Variants in C6 observed in about 807,000 individuals in gnomAD.
C6 encodes the protein complement C6, also known as complement component C6.
In C6, 101 loss-of-function variants were observed where a neutral mutation model predicts 112.9. The ratio of observed to expected loss-of-function variants is 0.89; its 90% confidence interval spans 0.76 to 1.06. The LOEUF (loss-of-function observed/expected upper bound fraction) is 1.06. C6 is among the 50% of genes least tolerant of loss of function. The pLI is 0.00. For missense variants in C6, 1,202 were observed against 1,104.6 expected, an observed-to-expected ratio of 1.09 and a Z score of -1.25; for synonymous variants, 431 against 384.1, an observed-to-expected ratio of 1.12 and a Z score of -1.43.
chr5:41,154,053 T>C, intron 14 of C6, 55 bp from the exon 15 acceptor site: 1 of 1,522,960 alleles, frequency 6.6e-7, no homozygotes, highest in African/African-American at 1.4e-5. Context: ...AACAAAAAAT[T>C]TAGGCAAATT....
chr5:41,152,399 T>C (rs1561095464), intron 15 of C6, among the ~76,000 whole-genome samples: 1 of 152,042 alleles, frequency 6.6e-6, no homozygotes, highest in African/African-American at 2.4e-5. Flanking sequence ...CCTCAGTCTA[T>C]TGAATGAAAC....
At chr5:41,152,348 T>C (rs1746490078) in intron 15 of C6, among the ~76,000 whole-genome samples, 1 of 152,150 alleles carries the variant, frequency 6.6e-6, no homozygotes, top group Non-Finnish European at 1.5e-5. Flanking sequence ...TCTTTGCTCA[T>C]GTTGAGGCCC....
intron 8 of C6, 82 bp from the exon 9 acceptor site, chr5:41,172,429 G>T: frequency 1.5e-6 from 2 of 1,340,254 alleles, no homozygotes; most frequent in Non-Finnish European, 2.1e-6. Context: ...TGGTCACTTC[G>T]GATCTACAGA....
At chr5:41,169,717 T>C (rs1748272051) in intron 9 of C6, among the ~76,000 whole-genome samples, 1 of 152,018 alleles carries the variant, frequency 6.6e-6, no homozygotes, top group Non-Finnish European at 1.5e-5. Flanking sequence ...AAGTGCTGCA[T>C]ACTTTTAAAC....
At chr5:41,253,768 A>AGTGTTTTTTAAAAATATG (rs1283658938) in intron 1 of C6, among the ~76,000 whole-genome samples, 1 of 152,244 alleles carries the variant, frequency 6.6e-6, no homozygotes. Context: ...CAATAAAGAA[A>AGTGTTTTTTAAAAATATG]GTGTTTTTTA....
rs1192239932 is a variant in C6, at chr5:41,213,373, C to T, written c.-21+3G>A. ...TTGAAAATGAAATCATCATATTACT[C>T]ACCTTTAAGCAGAGTTTGTGGTGTC... is the stretch of plus-strand genomic sequence containing the variant. On this transcript the variant is annotated splice_donor_region_variant and intron_variant, in intron 1 of 17. Coordinates refer to ENST00000337836, the MANE Select transcript of C6 (RefSeq NM_000065.5). 6.1e-6 allele frequency: 6 copies of T among 978,086 alleles called. No homozygotes were observed. Among genetic ancestry groups the T allele is most frequent in the Admixed American group, 6.2e-5 (1 of 16,236 alleles). The allele number at this position is 978,086 out of a possible 1,614,324, so 60.6% of individuals were successfully genotyped here.
chr5:41,199,631 A>G (rs1580172935), intron 4 of C6, 137 bp downstream of exon 4: 3 of 898,442 alleles, frequency 3.3e-6, no homozygotes, highest in East Asian at 2.4e-5. Flanking sequence ...AATTGGCAGC[A>G]TAACATTCCC....
At chr5:41,235,616 G>C (rs200974516) in intron 1 of C6, among the ~76,000 whole-genome samples, 13,460 of 134,846 alleles carry the variant, frequency 0.1, 751 homozygotes, top group Admixed American at 0.19. Context: ...TGGGTCAAAT[G>C]GTATTTCTAG....
intron 5 of C6, among the ~76,000 whole-genome samples, 194 bp downstream of exon 5, chr5:41,195,598 C>T (rs4245977): frequency 0.11 from 16,450 of 152,158 alleles, 875 homozygotes; most frequent in African/African-American, 0.14. Context: ...TTTGGAAATG[C>T]TAACTTTTAC....
intron 9 of C6, among the ~76,000 whole-genome samples, chr5:41,168,029 A>T (rs1331145726): frequency 2.0e-5 from 3 of 152,194 alleles, no homozygotes; most frequent in African/African-American, 7.2e-5. Flanking sequence ...AACAAGAGCC[A>T]ACACTGTAGA....
At chr5:41,167,420 G>T (rs765038088) in intron 9 of C6, among the ~76,000 whole-genome samples, 5 of 152,090 alleles carry the variant, frequency 3.3e-5, no homozygotes, top group Non-Finnish European at 7.4e-5. Context: ...GAAAGATTTT[G>T]AGCAGCTGGG....
At chr5:41,230,390 T>A (rs1739820122) in intron 1 of C6, among the ~76,000 whole-genome samples, 1 of 152,102 alleles carries the variant, frequency 6.6e-6, no homozygotes, top group African/African-American at 2.4e-5. Context: ...AAGGATTGCA[T>A]TCCTGGGGGG....
chr5:41,228,750 T>C (rs1432444705), intron 1 of C6, among the ~76,000 whole-genome samples: 1 of 152,208 alleles, frequency 6.6e-6, no homozygotes, highest in African/African-American at 2.4e-5. Flanking sequence ...AATGTACATT[T>C]ATTGTACATT....
Position 41,213,426 on chromosome 5 carries a change from GA to G in C6, c.-72del, listed in dbSNP as rs1240655418. The G allele has an allele frequency of 3.0e-6, 3 of 985,104 alleles. No individual in the cohort carries two copies. The highest frequency in any genetic ancestry group is 4.7e-5 in the South Asian group (1 of 21,278). The allele number at this position is 985,104 out of a possible 1,614,324, so 61.0% of individuals were successfully genotyped here. A position where few individuals can be genotyped will look rare whatever the true frequency, so the allele number is the denominator to read the frequency against. ...CGGACCTAAGCTGCAAATTATTGGG[GA>G]AAAAATAGGTATGCAGAATGAAGAG... On this transcript the variant is annotated 5_prime_UTR_variant, in exon 1 of 18. Transcript: ENST00000337836.
chr5:41,252,227 C>T (rs758541104), intron 1 of C6, among the ~76,000 whole-genome samples: 169 of 152,150 alleles, frequency 1.1e-3, no homozygotes, highest in Non-Finnish European at 2.0e-3. Context: ...ATATGTTAAC[C>T]TCATTTGGCT....
At chr5:41,165,856 A>G (rs1243758624) in intron 9 of C6, among the ~76,000 whole-genome samples, 2 of 152,170 alleles carry the variant, frequency 1.3e-5, no homozygotes, top group African/African-American at 2.4e-5. Context: ...ACACTTGAAT[A>G]TAATCTAGCC....
In C6 at chr5:41,225,799, A is replaced by G. The variant is rs565911534; in HGVS notation, c.-20-22549T>C. Among the ~76,000 whole-genome samples the G allele has an allele frequency of 5.5e-4, 83 of 152,292 alleles. No individual in the cohort carries two copies. The South Asian group carries it at 6.0e-3, about 11-fold the overall frequency. ...ACAGAGCCCTCAGAAATAATGCCAC[A>G]TATCTACAACTATCTGATCTTTGAC... On this transcript the variant is annotated intron_variant, in intron 1 of 17. Coordinates refer to the C6 transcript ENST00000263413.
At chr5:41,200,231 T>C (rs1276918431) in intron 3 of C6, among the ~76,000 whole-genome samples, 2 of 152,178 alleles carry the variant, frequency 1.3e-5, no homozygotes, top group Admixed American at 6.5e-5. Context: ...TTGAGTACAG[T>C]AAATTCCTCC....
intron 1 of C6, among the ~76,000 whole-genome samples, chr5:41,252,933 TAAAA>T (rs1458531344): frequency 1.3e-5 from 2 of 152,216 alleles, no homozygotes. Context: ...TTTGTCTCCT[TAAAA>T]TGTGTAAAAC....
Sources: allele counts gnomAD v4.1 joint callset (sites outside exome capture counted in the v4.1 genomes callset), GRCh38; gene constraint gnomAD v4.1.1; transcripts MANE v1.5; gene names NCBI Gene and HGNC (gene_info 2026-07-23, HGNC 2026-07-21).